Variants in MTUS2 observed in about 807,000 individuals in gnomAD.
The protein encoded by MTUS2 is microtubule-associated tumor suppressor candidate 2.
In MTUS2, 40 loss-of-function variants were observed where a neutral mutation model predicts 114.1. That is an observed-to-expected ratio of 0.35 (90% CI 0.27 to 0.46). The LOEUF (loss-of-function observed/expected upper bound fraction) is 0.46, where lower values mean the gene tolerates loss of function less well. Among genes scored for constraint, MTUS2 ranks in the 20% least tolerant of loss-of-function variants. The pLI is 1.00. For missense variants in MTUS2, 1,679 were observed against 1,705.4 expected (o/e 0.98, Z 0.27); for synonymous variants, 688 against 672.0 (o/e 1.02, Z -0.37).
chr13:29,448,492 C>T (rs1459701780), intron 9 of MTUS2, among the ~76,000 whole-genome samples: 1 of 151,696 alleles, frequency 6.6e-6, no homozygotes, highest in African/African-American at 2.4e-5. Context: ...TCTTTTTTTT[C>T]CCCTTGGTGA....
intron 9 of MTUS2, among the ~76,000 whole-genome samples, chr13:29,476,310 C>T (rs1205451979): frequency 6.6e-6 from 1 of 152,068 alleles, no homozygotes; most frequent in Non-Finnish European, 1.5e-5. Context: ...ACTGGATATC[C>T]ATATATGTAT....
chr13:29,326,526 TA>T (rs1351583949), intron 7 of MTUS2, among the ~76,000 whole-genome samples: 8 of 151,506 alleles, frequency 5.3e-5, no homozygotes, highest in Non-Finnish European at 8.8e-5. Context: ...AATGAGGGGT[TA>T]AAAAAAATTC....
At chr13:28,819,993 G>T (rs975809029), upstream of MTUS2, among the ~76,000 whole-genome samples, 2 of 147,166 alleles carry the variant, frequency 1.4e-5, no homozygotes, top group East Asian at 2.0e-4. Context: ...GGGAGGGGGT[G>T]CGCGCATCAG....
At chr13:29,366,847 A>C (rs1324561851) in intron 8 of MTUS2, among the ~76,000 whole-genome samples, 1 of 152,016 alleles carries the variant, frequency 6.6e-6, no homozygotes, top group African/African-American at 2.4e-5. Context: ...TTCTAGCAGG[A>C]GTTAAGAGAC....
intron 9 of MTUS2, among the ~76,000 whole-genome samples, chr13:29,476,034 T>A (rs1252544058): frequency 1.3e-5 from 2 of 152,216 alleles, no homozygotes; most frequent in Non-Finnish European, 2.9e-5. Context: ...GGTGTACCGT[T>A]TTTTATCTTT....
At chr13:29,050,007 C>G (rs1007266472) in intron 4 of MTUS2, among the ~76,000 whole-genome samples, 4 of 152,168 alleles carry the variant, frequency 2.6e-5, no homozygotes, top group Non-Finnish European at 5.9e-5. Context: ...GAACCCGGCT[C>G]TAGCCCTTCC....
At chr13:29,438,370 G>T (rs982236104) in intron 8 of MTUS2, among the ~76,000 whole-genome samples, 1 of 152,166 alleles carries the variant, frequency 6.6e-6, no homozygotes, top group African/African-American at 2.4e-5. Context: ...GTAACTAAAT[G>T]TTATAAACTG....
At chr13:28,993,024 G>A (rs1445428998) in intron 2 of MTUS2, among the ~76,000 whole-genome samples, 1 of 152,074 alleles carries the variant, frequency 6.6e-6, no homozygotes, top group Non-Finnish European at 1.5e-5. Flanking sequence ...TTTTCTCTTA[G>A]CAACATGTCC....
At chr13:28,867,147 C>T (rs1324190187) in intron 2 of MTUS2, among the ~76,000 whole-genome samples, 1 of 152,104 alleles carries the variant, frequency 6.6e-6, no homozygotes, top group East Asian at 1.9e-4. Flanking sequence ...TAATCTTGTG[C>T]AAGAGAGTTG....
chr13:28,941,906 T>C (rs1252363184), intron 2 of MTUS2, among the ~76,000 whole-genome samples: 1 of 152,226 alleles, frequency 6.6e-6, no homozygotes, highest in Non-Finnish European at 1.5e-5. Context: ...AAAATATTCA[T>C]TCACTGAGTT....
intron 9 of MTUS2, among the ~76,000 whole-genome samples, chr13:29,452,055 C>T (rs1373394671): frequency 4.6e-5 from 7 of 152,244 alleles, no homozygotes; most frequent in Non-Finnish European, 5.9e-5. Context: ...TGTCAACTGC[C>T]GTGATTAGAT....
chr13:28,925,255 A>C (rs1881264118), intron 2 of MTUS2, among the ~76,000 whole-genome samples: 2 of 149,314 alleles, frequency 1.3e-5, no homozygotes, highest in Non-Finnish European at 3.0e-5. Flanking sequence ...TTACTTAAAG[A>C]ACTTGAAACA....
intron 2 of MTUS2, among the ~76,000 whole-genome samples, chr13:28,861,892 C>T (rs1877010355): frequency 6.6e-6 from 1 of 152,104 alleles, no homozygotes; most frequent in Non-Finnish European, 1.5e-5. Flanking sequence ...CTAAAGATTC[C>T]CTGGGAACCC....
chr13:29,167,422 CTT>C lies in MTUS2; in HGVS notation c.2644+66464_2644+66465del, dbSNP rs56408684. Among the ~76,000 whole-genome samples, 262 of 144,442 alleles carry C rather than the reference CTT, an allele frequency of 1.8e-3. 1 individual carries two copies. The highest frequency in any genetic ancestry group is 7.6e-3 in the South Asian group (35 of 4,596). The allele number at this position is 144,442 out of a possible 152,430, so 94.8% of individuals were successfully genotyped here. A position where few individuals can be genotyped will look rare whatever the true frequency, so the allele number is the denominator to read the frequency against. On this transcript the variant is annotated intron_variant, in intron 5 of 15. Coordinates refer to ENST00000612955, the MANE Select transcript of MTUS2 (RefSeq NM_001033602.4). ...TAATAATGTAACCACTTTTTTCTTTCTTTTTTTTTTTTTAAATAAATTACTTT... is the reference window on the plus strand; with the variant it reads ...TAATAATGTAACCACTTTTTTCTTTCTTTTTTTTTTTAAATAAATTACTTT...
intron 10 of MTUS2, among the ~76,000 whole-genome samples, chr13:29,483,298 GGACTCGCCGGCC>G (rs1881339061): frequency 6.6e-6 from 1 of 152,182 alleles, no homozygotes; most frequent in South Asian, 2.1e-4. Context: ...ACTCAAATTG[GGACTCGCCGGCC>G]GAGGCAGGCT....
intron 2 of MTUS2, among the ~76,000 whole-genome samples, chr13:28,987,623 T>C (rs1182973755): frequency 6.6e-6 from 1 of 152,182 alleles, no homozygotes; most frequent in Non-Finnish European, 1.5e-5. Flanking sequence ...ACACATGCCC[T>C]GCCTGGAGGG....
chr13:29,325,500 G>A (rs1900458932), intron 7 of MTUS2, among the ~76,000 whole-genome samples: 1 of 141,072 alleles, frequency 7.1e-6, no homozygotes, highest in African/African-American at 2.7e-5. Flanking sequence ...GGGAGGAGGA[G>A]GAGGAGGAGA....
At chr13:29,388,144 A>T (rs1872756998) in intron 8 of MTUS2, among the ~76,000 whole-genome samples, 1 of 152,154 alleles carries the variant, frequency 6.6e-6, no homozygotes, top group African/African-American at 2.4e-5. Context: ...GTTTGGGCAG[A>T]TGACCAGGAT....
chr13:28,996,109 G>C (rs557849158), intron 2 of MTUS2, among the ~76,000 whole-genome samples: 71 of 152,016 alleles, frequency 4.7e-4, no homozygotes, highest in East Asian at 1.7e-3. Context: ...TAGCATGAAG[G>C]GTTGTTGAAT....
Sources: gnomAD v4.1 joint callset for allele counts (sites outside exome capture counted in the v4.1 genomes callset) on GRCh38, gnomAD v4.1.1 for gene constraint, MANE v1.5 for transcripts, NCBI Gene and HGNC (gene_info 2026-07-23, HGNC 2026-07-21) for gene names.